Variants in CCNT2 observed in about 807,000 individuals in gnomAD.
CCNT2 encodes cyclin-T2.
In CCNT2, 18 loss-of-function variants were observed where a neutral mutation model predicts 70.0. The observed-to-expected ratio is 0.26, with a 90% CI of 0.18 to 0.38. CCNT2 has a LOEUF of 0.38. CCNT2 is among the 10% of genes least tolerant of loss of function. The pLI is 1.00. For missense variants in CCNT2, 734 were observed against 890.2 expected (o/e 0.82, Z 2.23); for synonymous variants, 334 against 313.3 (o/e 1.07, Z -0.70).
intron 2 of CCNT2, among the ~76,000 whole-genome samples, chr2:134,931,144 A>T (rs1298103758): frequency 1.3e-5 from 2 of 150,368 alleles, no homozygotes; most frequent in African/African-American, 2.4e-5. Context: ...TTGTATTTTT[A>T]GTAGAGACGG....
At chr2:134,922,598 TA>T (rs1679991943) in intron 2 of CCNT2, among the ~76,000 whole-genome samples, 1 of 152,200 alleles carries the variant, frequency 6.6e-6, no homozygotes, top group Non-Finnish European at 1.5e-5. Context: ...GAGGTTCATG[TA>T]ATTGGAATTA....
At position 134,946,107 on chromosome 2, in the gene CCNT2, A is replaced by G; in HGVS notation, c.500A>G (p.Lys167Arg). 1.9e-6 allele frequency: 3 copies of G among 1,611,812 alleles called. No homozygotes were observed. Among genetic ancestry groups the G allele is most frequent in the East Asian group, 2.2e-5 (1 of 44,848 alleles). Residue 167 changes from lysine (K) to arginine (R), a missense_variant, in exon 6 of 9, where the codon AAG becomes AGG. Around this residue, in one of 3 missense-constraint regions of CCNT2, gnomAD observed 161 missense variants for 303.8 expected, o/e 0.53. Coordinates refer to ENST00000264157, the MANE Select transcript of CCNT2 (RefSeq NM_058241.3). ...VKCTQLVRAS[K>R]DLAQTSYFMA... ...TTTTTTTTTTTTCTTACAGCAAGCA[A>G]GGATTTGGCACAGACATCCTATTTC...
intron 2 of CCNT2, among the ~76,000 whole-genome samples, chr2:134,935,416 T>C (rs1681075455): frequency 6.6e-6 from 1 of 152,216 alleles, no homozygotes; most frequent in African/African-American, 2.4e-5. Flanking sequence ...CTAATTCCAG[T>C]GATTAAGTTT....
At chr2:134,928,167 G>C (rs1225782518) in intron 2 of CCNT2, among the ~76,000 whole-genome samples, 6 of 151,548 alleles carry the variant, frequency 4.0e-5, no homozygotes, top group Admixed American at 2.0e-4. Flanking sequence ...TCACCATATT[G>C]GTGAGGCTAG....
At chr2:134,952,943 A>G (rs918540154) in intron 8 of CCNT2, 2 of 485,532 alleles carry the variant, frequency 4.1e-6, no homozygotes, top group African/African-American at 2.0e-5. Context: ...TATCCTCTTC[A>G]TTTTACAAAT....
intron 7 of CCNT2, 22 bp downstream of exon 7, chr2:134,947,921 T>C: frequency 1.4e-6 from 2 of 1,396,952 alleles, no homozygotes; most frequent in Non-Finnish European, 9.6e-7. Context: ...AAATAAATTT[T>C]TAAGTTTGGA....
At chr2:134,931,481 A>T (rs1680767964) in intron 2 of CCNT2, among the ~76,000 whole-genome samples, 1 of 151,702 alleles carries the variant, frequency 6.6e-6, no homozygotes, top group South Asian at 2.1e-4. Context: ...TAACTTTTGA[A>T]TTTAGGAAAT....
chr2:134,952,550 C>A, intron 7 of CCNT2, 91 bp from the exon 8 acceptor site: 1 of 672,430 alleles, frequency 1.5e-6, no homozygotes, highest in Non-Finnish European at 2.5e-6. Flanking sequence ...AGTAGATGAA[C>A]TCCTAGCATT....
At chr2:134,941,468 C>G (rs1681575225) in intron 4 of CCNT2, among the ~76,000 whole-genome samples, 1 of 152,122 alleles carries the variant, frequency 6.6e-6, no homozygotes, top group Admixed American at 6.6e-5. Context: ...AGGTTCTGAT[C>G]AACGATAGTT....
chr2:134,926,202 CTT>C (rs1012089240), intron 2 of CCNT2, among the ~76,000 whole-genome samples: 2 of 152,076 alleles, frequency 1.3e-5, no homozygotes, highest in African/African-American at 4.8e-5. Flanking sequence ...TTCTTACAGT[CTT>C]TGTGTGAACT....
At chr2:134,953,069 A>G (rs1682645279) in intron 8 of CCNT2, 161 bp from the exon 9 acceptor site, 1 of 561,734 alleles carries the variant, frequency 1.8e-6, no homozygotes, top group Admixed American at 3.4e-5. Context: ...TTATGCCTCT[A>G]AGGCATTTAT....
At position 134,958,308 on chromosome 2, in the gene CCNT2, T is replaced by A. The variant is rs1261712676; in HGVS notation, c.*3660T>A. On this transcript the variant is annotated 3_prime_UTR_variant, in exon 9 of 9. Transcript: ENST00000264157. ...TTTAGGATGTCTTTGCTGAGAATAT[T>A]TGGAGGCTCTTGTTAGGAAGAATCA... The A allele has an allele frequency of 6.6e-6, 1 of 151,434 alleles. No individual in the cohort carries two copies. Among genetic ancestry groups the A allele is most frequent in the African/African-American group, 2.5e-5 (1 of 40,722 alleles). The allele number at this position is 151,434 out of a possible 1,614,324, so 9.4% of individuals were successfully genotyped here.
At chr2:134,925,315 G>GTGA (rs1430437115) in intron 2 of CCNT2, among the ~76,000 whole-genome samples, 4 of 152,052 alleles carry the variant, frequency 2.6e-5, no homozygotes, top group African/African-American at 9.7e-5. Context: ...TGCCCTTTTT[G>GTGA]TGATATAATT....
rs201696248 is a variant in CCNT2, at chr2:134,940,270, A to AT, written c.430+1215dup. ...GTTTGAACTCCATGGGTCTACATGGATTTTTTTCAATAAATAATATTGGAA... is the reference window on the plus strand; with the variant it reads ...GTTTGAACTCCATGGGTCTACATGGATTTTTTTTCAATAAATAATATTGGAA... On this transcript the variant is annotated intron_variant, in intron 4 of 8. Transcript: ENST00000264157. Among the ~76,000 whole-genome samples the AT allele has an allele frequency of 2.5e-3, 373 of 152,244 alleles. 3 individuals are homozygous for AT. In the East Asian group the frequency reaches 0.031, roughly 12 times the overall value.
chr2:134,929,056 CCAAA>C lies in CCNT2; in HGVS notation c.241-7780_241-7777del, dbSNP rs1251886252. On this transcript the variant is annotated intron_variant, in intron 2 of 8. Coordinates refer to ENST00000264157, the MANE Select transcript of CCNT2 (RefSeq NM_058241.3). ...TATCTGTTAAAATTATTTTTGTTAC[CCAAA>C]CAAATTAATAATTTTATGAAACAAT... Among the ~76,000 whole-genome samples, 6 of 151,874 alleles carry C rather than the reference CCAAA, an allele frequency of 4.0e-5. No individual in the cohort carries two copies. The East Asian group carries it at 5.8e-4, about 15-fold the overall frequency.
At chr2:134,945,643 G>C (rs1199737222) in intron 5 of CCNT2, 6 of 1,213,288 alleles carry the variant, frequency 4.9e-6, no homozygotes, top group Non-Finnish European at 6.2e-6. Context: ...TTGTGGGGTG[G>C]GGGTTTGTTT....
intron 5 of CCNT2, chr2:134,944,244 G>T: frequency 1.0e-6 from 1 of 982,096 alleles, no homozygotes; most frequent in South Asian, 4.7e-5. Context: ...AGGAAAAAGG[G>T]TTAGTTTTTT....
At chr2:134,919,419 G>C (rs45618535) in intron 1 of CCNT2, among the ~76,000 whole-genome samples, 1 of 152,184 alleles carries the variant, frequency 6.6e-6, no homozygotes, top group Non-Finnish European at 1.5e-5. Flanking sequence ...GCCTTTCCCG[G>C]CTCTCGTCGC....
intron 1 of CCNT2, 84 bp downstream of exon 1, chr2:134,919,096 CGGCCTCGGCCTTCGCTG>C (rs1163565778): frequency 2.1e-6 from 3 of 1,454,556 alleles, no homozygotes; most frequent in African/African-American, 2.8e-5. Context: ...ATGGCGCCGC[CGGCCTCGGCCTTCGCTG>C]GGCCTCGGCG....
Sources: gnomAD v4.1 joint callset for allele counts (sites outside exome capture counted in the v4.1 genomes callset) on GRCh38, gnomAD v4.1.1 for gene constraint, gnomAD v4.1.1 regional missense constraint, MANE v1.5 for transcripts, NCBI Gene and HGNC (gene_info 2026-07-23, HGNC 2026-07-21) for gene names.